KLF12: variants seen among roughly 807,000 people sequenced by gnomAD.
KLF12 encodes the protein KLF transcription factor 12, also known as Krueppel-like factor 12.
Under a neutral mutation model 37.8 loss-of-function variants are expected in KLF12, and 9 were observed. The ratio of observed to expected loss-of-function variants is 0.24; its 90% CI spans 0.14 to 0.42. KLF12 has a LOEUF of 0.42. Among genes scored for constraint, KLF12 ranks in the 10% least tolerant of loss-of-function variants. The probability of loss-of-function intolerance (pLI) is 1.00; values close to 1 mark genes in which losing one functional copy is unlikely to be tolerated. For missense variants in KLF12, 411 were observed against 516.0 expected (o/e 0.80, Z 1.97); for synonymous variants, 208 against 202.1 (o/e 1.03, Z -0.25).
At chr13:74,268,783 G>A in the KLF12 span, among the ~76,000 whole-genome samples, 19 of 152,210 alleles carry the variant, frequency 1.2e-4, no homozygotes, top group Non-Finnish European at 2.1e-4. Flanking sequence ...AGAGGATTTA[G>A]TAAGCAAGAG....
Position 73,922,108 on chromosome 13 carries a change from T to C in KLF12, c.123+21873A>G, listed in dbSNP as rs1889143988. On this transcript the variant is annotated intron_variant, in intron 3 of 7. Coordinates refer to ENST00000377669, the MANE Select transcript of KLF12 (RefSeq NM_007249.5). ...GGTATCTAGTTTGCATTTAACTGAATTAATTTATTGTCTAGTTTCAATGAA... is the reference window on the plus strand; with the variant it reads ...GGTATCTAGTTTGCATTTAACTGAACTAATTTATTGTCTAGTTTCAATGAA... Among the ~76,000 whole-genome samples the C allele has an allele frequency of 3.3e-5, 5 of 152,216 alleles. No homozygotes were observed. In the South Asian group the frequency reaches 8.3e-4, roughly 25 times the overall value.
chr13:74,180,530 C>A, the KLF12 span, among the ~76,000 whole-genome samples: 6 of 152,184 alleles, frequency 3.9e-5, no homozygotes, highest in Non-Finnish European at 5.9e-5. Flanking sequence ...TTATAAGGTT[C>A]TTCACAATCA....
intron 6 of KLF12, among the ~76,000 whole-genome samples, chr13:73,747,255 A>T (rs1878435011): frequency 6.6e-6 from 1 of 152,184 alleles, no homozygotes; most frequent in Admixed American, 6.5e-5. Flanking sequence ...TGACAAAAAG[A>T]CATGGCAGGG....
chr13:73,818,676 A>C (rs1010886990), intron 4 of KLF12, among the ~76,000 whole-genome samples: 1 of 152,252 alleles, frequency 6.6e-6, no homozygotes, highest in Non-Finnish European at 1.5e-5. Context: ...ACATATATGA[A>C]AACTTACAGA....
chr13:74,187,148 C>T, the KLF12 span, among the ~76,000 whole-genome samples: 2 of 152,012 alleles, frequency 1.3e-5, no homozygotes, highest in South Asian at 2.1e-4. Context: ...GGCAACACTG[C>T]GAAACCCCAT....
At chr13:73,927,229 C>T (rs1889433453) in intron 3 of KLF12, among the ~76,000 whole-genome samples, 1 of 152,160 alleles carries the variant, frequency 6.6e-6, no homozygotes, top group South Asian at 2.1e-4. Flanking sequence ...GACTAAGCAG[C>T]CAGCTAAAAG....
the KLF12 span, chr13:74,258,617 T>A: frequency 6.6e-6 from 1 of 152,330 alleles, no homozygotes; most frequent in East Asian, 1.9e-4. Flanking sequence ...ATTTAGTGGA[T>A]AAACAGAATG....
chr13:74,260,628 T>TAAAATAAAATAAAAG, the KLF12 span, among the ~76,000 whole-genome samples: 2 of 139,992 alleles, frequency 1.4e-5, no homozygotes, highest in South Asian at 2.3e-4. Flanking sequence ...TAAAATAAAA[T>TAAAATAAAATAAAAG]AGTGAATTAA....
At chr13:74,226,258 G>A in the KLF12 span, among the ~76,000 whole-genome samples, 2 of 152,066 alleles carry the variant, frequency 1.3e-5, no homozygotes, top group East Asian at 3.9e-4. Context: ...GAGAGGAGGC[G>A]ACAATTCCAA....
chr13:73,929,738 C>T (rs1889579581), intron 3 of KLF12, among the ~76,000 whole-genome samples: 1 of 152,300 alleles, frequency 6.6e-6, no homozygotes, highest in South Asian at 2.1e-4. Context: ...ACAGCCTCTG[C>T]CACAACGCCG....
At chr13:73,727,019 G>A (rs953725825) in intron 6 of KLF12, among the ~76,000 whole-genome samples, 1 of 152,144 alleles carries the variant, frequency 6.6e-6, no homozygotes, top group African/African-American at 2.4e-5. Flanking sequence ...GTTTTGATGA[G>A]CATTTCCCTA....
intron 3 of KLF12, among the ~76,000 whole-genome samples, chr13:73,860,183 G>T (rs1309914527): frequency 6.6e-6 from 1 of 152,124 alleles, no homozygotes; most frequent in Non-Finnish European, 1.5e-5. Context: ...CACAGTTCAG[G>T]TGTCTGTTAT....
At chr13:74,012,752 C>T (rs1169725211) in intron 1 of KLF12, among the ~76,000 whole-genome samples, 2 of 152,348 alleles carry the variant, frequency 1.3e-5, no homozygotes, top group South Asian at 2.1e-4. Flanking sequence ...AAAGAAATCA[C>T]TGTACACTTA....
intron 2 of KLF12, among the ~76,000 whole-genome samples, chr13:73,964,253 C>A (rs970151366): frequency 6.6e-6 from 1 of 152,298 alleles, no homozygotes; most frequent in African/African-American, 2.4e-5. Flanking sequence ...GATGCAGAGA[C>A]ATAAAGAGTC....
At chr13:73,827,139 C>A (rs1334478777) in intron 4 of KLF12, among the ~76,000 whole-genome samples, 3 of 152,150 alleles carry the variant, frequency 2.0e-5, no homozygotes, top group African/African-American at 4.8e-5. Flanking sequence ...GAGATTTATT[C>A]ATACTCTTTC....
the KLF12 span, among the ~76,000 whole-genome samples, chr13:74,249,575 G>T: frequency 6.6e-6 from 1 of 152,224 alleles, no homozygotes; most frequent in East Asian, 1.9e-4. Context: ...GTATGTGAGA[G>T]TTGGGGAAAA....
At chr13:74,279,878 T>A in the KLF12 span, among the ~76,000 whole-genome samples, 1 of 152,178 alleles carries the variant, frequency 6.6e-6, no homozygotes, top group Admixed American at 6.6e-5. Flanking sequence ...TTAAAGGGGA[T>A]CTAAGTCTTG....
chr13:73,925,209 A>T (rs1889317467), intron 3 of KLF12, among the ~76,000 whole-genome samples: 1 of 152,252 alleles, frequency 6.6e-6, no homozygotes, highest in Non-Finnish European at 1.5e-5. Flanking sequence ...CTTGTATTGG[A>T]AAAAGATGGC....
At chr13:73,803,523 A>G (rs1471468260) in intron 5 of KLF12, among the ~76,000 whole-genome samples, 1 of 151,812 alleles carries the variant, frequency 6.6e-6, no homozygotes, top group African/African-American at 2.4e-5. Context: ...CTTCACCACC[A>G]CAGCACTTAC....
Sources: allele counts gnomAD v4.1 joint callset (sites outside exome capture counted in the v4.1 genomes callset), GRCh38; gene constraint gnomAD v4.1.1; transcripts MANE v1.5; gene names NCBI Gene and HGNC (gene_info 2026-07-23, HGNC 2026-07-21).